The following MREG variants were observed in gnomAD, a reference collection of about 807,000 sequenced individuals.
MREG encodes the protein dilute suppressor protein homolog.
A neutral mutation model predicts 28.5 loss-of-function variants in MREG; 31 were observed. The ratio of observed to expected loss-of-function variants is 1.09; its 90% CI spans 0.82 to 1.47. The LOEUF is 1.47. Among genes scored for constraint, MREG ranks in the 40% most tolerant of loss-of-function variants. The pLI is 0.00. For missense variants in MREG, 256 were observed against 257.4 expected (o/e 0.99, Z 0.04); for synonymous variants, 106 against 95.2 (o/e 1.11, Z -0.66).
chr2:215,978,676 T>G (rs1406313462), intron 2 of MREG, among the ~76,000 whole-genome samples: 1 of 152,132 alleles, frequency 6.6e-6, no homozygotes, highest in Admixed American at 6.5e-5. Flanking sequence ...ATCAAAAAGG[T>G]TATCCACCAC....
chr2:215,969,438 A>G (rs1693029685), intron 2 of MREG, among the ~76,000 whole-genome samples: 2 of 152,178 alleles, frequency 1.3e-5, no homozygotes, highest in South Asian at 4.1e-4. Context: ...CAAGCTAACA[A>G]GTTCTCCTGC....
At chr2:215,970,441 T>C (rs1386565212) in intron 2 of MREG, among the ~76,000 whole-genome samples, 1 of 152,238 alleles carries the variant, frequency 6.6e-6, no homozygotes, top group Non-Finnish European at 1.5e-5. Flanking sequence ...ACCAAATGAA[T>C]GTATTTTCCA....
intron 2 of MREG, among the ~76,000 whole-genome samples, chr2:215,958,949 C>A (rs1231311860): frequency 6.6e-6 from 1 of 152,112 alleles, no homozygotes; most frequent in Non-Finnish European, 1.5e-5. Context: ...GTATTAGTAT[C>A]CCTATTCTGG....
At chr2:215,965,131 G>A (rs1692905362) in intron 2 of MREG, among the ~76,000 whole-genome samples, 1 of 152,122 alleles carries the variant, frequency 6.6e-6, no homozygotes, top group Non-Finnish European at 1.5e-5. Flanking sequence ...AAAAGTCTAG[G>A]TCTGAGTATG....
intron 1 of MREG, among the ~76,000 whole-genome samples, chr2:216,026,102 C>A (rs1694590980): frequency 6.6e-6 from 1 of 152,056 alleles, no homozygotes; most frequent in Admixed American, 6.6e-5. Flanking sequence ...TGAAAAAAGC[C>A]AGACACAAAA....
At chr2:216,018,879 C>G (rs576592133) in intron 1 of MREG, among the ~76,000 whole-genome samples, 7 of 152,322 alleles carry the variant, frequency 4.6e-5, no homozygotes, top group Non-Finnish European at 1.0e-4. Flanking sequence ...TCCCTCACCC[C>G]TAACCCTCAA....
In MREG at chr2:215,964,598, A is replaced by G. The variant is rs1055623800; in HGVS notation, c.256-17485T>C. On this transcript the variant is annotated intron_variant, in intron 2 of 4. Coordinates refer to ENST00000263268, the MANE Select transcript of MREG (RefSeq NM_018000.3). ...AATATCCACCCTATAATAACCAAAG[A>G]AATTCTCAAACAATGAACACTGTGT... Among the ~76,000 whole-genome samples the G allele has an allele frequency of 2.0e-5, 3 of 152,336 alleles. No homozygotes were observed. The South Asian group carries it at 6.2e-4, about 32-fold the overall frequency.
At chr2:215,996,741 T>C (rs1693885123) in intron 1 of MREG, among the ~76,000 whole-genome samples, 1 of 151,394 alleles carries the variant, frequency 6.6e-6, no homozygotes, top group Non-Finnish European at 1.5e-5. Context: ...CAGCACTGAG[T>C]ACCCCAGAAG....
intron 1 of MREG, among the ~76,000 whole-genome samples, chr2:216,025,262 C>T (rs1207479224): frequency 1.3e-5 from 2 of 152,114 alleles, no homozygotes; most frequent in East Asian, 1.9e-4. Flanking sequence ...TTAAAGATCT[C>T]GACAGGACAA....
downstream of MREG, among the ~76,000 whole-genome samples, chr2:215,941,932 T>C (rs1210008764): frequency 6.6e-6 from 1 of 152,214 alleles, no homozygotes; most frequent in Non-Finnish European, 1.5e-5. Flanking sequence ...TTGCTGTCAG[T>C]GAGCTCACTT....
At chr2:215,947,147 C>G in intron 2 of MREG, 34 bp from the exon 3 acceptor site, 1 of 1,433,494 alleles carries the variant, frequency 7.0e-7, no homozygotes, top group Non-Finnish European at 9.7e-7. Context: ...TTTATTTATA[C>G]CCCTTGGCTT....
intron 1 of MREG, among the ~76,000 whole-genome samples, chr2:216,008,084 C>A (rs1694208930): frequency 6.6e-6 from 1 of 151,976 alleles, no homozygotes; most frequent in South Asian, 2.1e-4. Flanking sequence ...CTACCACAGA[C>A]AACAAGAATC....
intron 2 of MREG, among the ~76,000 whole-genome samples, chr2:215,985,802 T>C (rs13395178): frequency 0.019 from 2,922 of 152,330 alleles, 98 homozygotes; most frequent in African/African-American, 0.066. Context: ...AAAAACATTA[T>C]GTTCCATTTT....
chr2:215,994,621 AGAAGAAG>A (rs928539224), intron 2 of MREG, among the ~76,000 whole-genome samples: 4 of 45,898 alleles, frequency 8.7e-5, no homozygotes, highest in Middle Eastern at 0.014. Context: ...GAAGAAGAAG[AGAAGAAG>A]GAGGGGGAGG....
intron 2 of MREG, among the ~76,000 whole-genome samples, chr2:215,957,190 G>T (rs1692647585): frequency 6.6e-6 from 1 of 152,196 alleles, no homozygotes; most frequent in Admixed American, 6.5e-5. Context: ...CAGCAGCTAT[G>T]CCTGAGGAGG....
chr2:215,999,925 G>A (rs778423047), intron 1 of MREG, among the ~76,000 whole-genome samples: 1 of 152,206 alleles, frequency 6.6e-6, no homozygotes, highest in Non-Finnish European at 1.5e-5. Flanking sequence ...ACAGAAGCAG[G>A]TCAGAGAATC....
chr2:216,032,196 ACT>A (rs1448373093), intron 1 of MREG, among the ~76,000 whole-genome samples: 1 of 152,194 alleles, frequency 6.6e-6, no homozygotes, highest in African/African-American at 2.4e-5. Context: ...GAAAAAGCTG[ACT>A]CTGTTGAGTC....
intron 2 of MREG, among the ~76,000 whole-genome samples, chr2:215,994,423 C>G (rs945352373): frequency 1.3e-5 from 2 of 151,488 alleles, no homozygotes; most frequent in East Asian, 1.9e-4. Context: ...GGGGTGGGGG[C>G]CTAGGGGAGG....
chr2:215,968,778 C>A (rs1693012090), intron 2 of MREG, among the ~76,000 whole-genome samples: 1 of 152,160 alleles, frequency 6.6e-6, no homozygotes, highest in African/African-American at 2.4e-5. Flanking sequence ...TTCTTTGAGA[C>A]AGGGCCTCAC....
Sources: gnomAD v4.1 joint callset for allele counts (sites outside exome capture counted in the v4.1 genomes callset) on GRCh38, gnomAD v4.1.1 for gene constraint, MANE v1.5 for transcripts, NCBI Gene and HGNC (gene_info 2026-07-23, HGNC 2026-07-21) for gene names.